Variants in FAM199X observed in about 807,000 individuals in gnomAD.
The protein encoded by FAM199X is family with sequence similarity 199, X-linked, also known as protein FAM199X.
Under a neutral mutation model 22.9 loss-of-function variants are expected in FAM199X, and 4 were observed. That is an observed-to-expected ratio of 0.17 (90% confidence interval 0.09 to 0.40). The LOEUF (loss-of-function observed/expected upper bound fraction) is 0.40, where lower values mean the gene tolerates loss of function less well. Among genes scored for constraint, FAM199X ranks in the 10% least tolerant of loss-of-function variants. The pLI is 1.00. For synonymous variants in FAM199X, 101 were observed against 112.3 expected, an observed-to-expected ratio of 0.90 and a Z score of 0.64; for missense variants, 183 against 306.8, an observed-to-expected ratio of 0.60 and a Z score of 3.01.
intron 1 of FAM199X, 123 bp from the exon 2 acceptor site, chrX:104,175,500 C>T (rs1175399519): frequency 5.4e-6 from 3 of 552,879 alleles, no homozygotes; most frequent in African/African-American, 4.7e-5. Flanking sequence ...GGTAGGGGCT[C>T]TTTTAAAAAT....
At chrX:104,160,411 A>C in the FAM199X span, among the ~76,000 whole-genome samples, 1 of 112,974 alleles carries the variant, frequency 8.9e-6, no homozygotes, top group African/African-American at 3.2e-5. Context: ...GGCATTTGTT[A>C]AAATTTTAGT....
chrX:104,176,919 C>G (rs897790102), intron 2 of FAM199X, among the ~76,000 whole-genome samples: 2 of 110,893 alleles, frequency 1.8e-5, no homozygotes, highest in Non-Finnish European at 3.8e-5. Flanking sequence ...AATTCACAAC[C>G]CTTCCATTTT....
In FAM199X at chrX:104,166,683, C is replaced by T; in HGVS notation, c.-103C>T. 3 of 763,814 alleles carry T rather than the reference C, an allele frequency of 3.9e-6. No individual in the cohort carries two copies. In the South Asian group the frequency reaches 9.0e-5, roughly 23 times the overall value. The allele number at this position is 763,814 out of a possible 1,213,427, so 62.9% of individuals were successfully genotyped here. A position where few individuals can be genotyped will look rare whatever the true frequency, so the allele number is the denominator to read the frequency against. On this transcript the variant is annotated 5_prime_UTR_variant, in exon 1 of 6. Transcript: ENST00000493442. The stretch of plus-strand genomic sequence containing the variant: ...CTGCCAGTGAGCTGCGACGGGCACA[C>T]CCCGGAGCGTCGGCGACTGCGGACA...
chrX:104,180,063 G>C (rs1556377476), intron 2 of FAM199X, among the ~76,000 whole-genome samples: 3 of 99,970 alleles, frequency 3.0e-5, no homozygotes. Flanking sequence ...CTGCAGAATT[G>C]ACCTCCTGGG....
the FAM199X span, among the ~76,000 whole-genome samples, chrX:104,158,699 A>C: frequency 9.0e-6 from 1 of 111,468 alleles, no homozygotes; most frequent in Non-Finnish European, 1.9e-5. Context: ...CTCCACACCT[A>C]CCCACTCTCA....
At chrX:104,160,970 G>T in the FAM199X span, among the ~76,000 whole-genome samples, 1 of 110,942 alleles carries the variant, frequency 9.0e-6, no homozygotes, top group Non-Finnish European at 1.9e-5. Context: ...TTTTCTTTAG[G>T]ATTACCTATT....
At position 104,194,747 on chromosome X, in the gene FAM199X, GTTT is replaced by G. The variant is rs1161178563; in HGVS notation, c.*4972_*4974del. On this transcript the variant is annotated 3_prime_UTR_variant, in exon 6 of 6. Transcript: ENST00000493442. ...TATGGGTAAAAATTTCAAATTGTGG[GTTT>G]TTGTTTTTGCTTTTTAGTTTCAAAG... 1.8e-5 allele frequency: 2 copies of G among 111,600 alleles called. No homozygotes were observed. Among genetic ancestry groups the G allele is most frequent in the African/African-American group, 3.2e-5 (1 of 30,809 alleles). The allele number at this position is 111,600 out of a possible 1,213,427, so 9.2% of individuals were successfully genotyped here.
rs1482098610 is a variant in FAM199X at position 104,194,808 on chromosome X, G to C, written c.*5030G>C. The C allele has an allele frequency of 9.0e-6, 1 of 111,510 alleles. No individual in the cohort carries two copies. The highest frequency in any genetic ancestry group is 9.6e-5 in the Admixed American group (1 of 10,432). 9.2% of individuals were successfully genotyped at this position (111,510 alleles called of 1,213,427 possible). A position where few individuals can be genotyped will look rare whatever the true frequency, so the allele number is the denominator to read the frequency against. On this transcript the variant is annotated 3_prime_UTR_variant, in exon 6 of 6. Transcript: ENST00000493442. Reference sequence around the variant, plus strand: ...ATGTAGCAGCAATATCATAACCAAAGCAAGTAGGAAGTTGACTGGTTTGGA... The same window carrying C: ...ATGTAGCAGCAATATCATAACCAAACCAAGTAGGAAGTTGACTGGTTTGGA...
In FAM199X at chrX:104,166,745, C is replaced by T. The variant is rs781981441; in HGVS notation, c.-41C>T. The T allele has an allele frequency of 2.2e-5, 26 of 1,165,953 alleles. No individual in the cohort carries two copies. The South Asian group carries it at 4.5e-4, about 20-fold the overall frequency. ...GGGCAGGGGCGGGCGCGGGAGCAGC[C>T]CAGGGCCAGAGAGGGAGCCCGAGCC... On this transcript the variant is annotated 5_prime_UTR_variant, in exon 1 of 6. Coordinates refer to ENST00000493442, the MANE Select transcript of FAM199X (RefSeq NM_207318.4).
chrX:104,168,467 A>C (rs1921270437), intron 1 of FAM199X, among the ~76,000 whole-genome samples: 1 of 112,688 alleles, frequency 8.9e-6, no homozygotes, highest in Non-Finnish European at 1.9e-5. Flanking sequence ...CATATTCATG[A>C]AATCAAGTGT....
chrX:104,160,124 C>T, the FAM199X span, among the ~76,000 whole-genome samples: 5 of 112,301 alleles, frequency 4.5e-5, no homozygotes, highest in South Asian at 1.8e-3. Flanking sequence ...GTCAGAGGAT[C>T]ATGTAAAGAA....
chrX:104,184,375 G>A (rs2147895799), intron 2 of FAM199X, among the ~76,000 whole-genome samples: 1 of 112,135 alleles, frequency 8.9e-6, no homozygotes, highest in African/African-American at 3.2e-5. Flanking sequence ...AAAAGGTACT[G>A]TTTTATACCT....
chrX:104,176,188 T>G (rs1556376424), intron 2 of FAM199X, among the ~76,000 whole-genome samples: 3 of 112,225 alleles, frequency 2.7e-5, no homozygotes, highest in Non-Finnish European at 5.6e-5. Flanking sequence ...AGGACAAATA[T>G]CAGTCACATT....
chrX:104,194,582 C>G lies in FAM199X; in HGVS notation c.*4804C>G, dbSNP rs1338267014. ...AACAATGGAGCAGATAATGTCTGTT[C>G]CTGTAGTGGATCCATTTAATTTCCT... is the stretch of plus-strand genomic sequence containing the variant. On this transcript the variant is annotated 3_prime_UTR_variant, in exon 6 of 6. Coordinates refer to ENST00000493442, the MANE Select transcript of FAM199X (RefSeq NM_207318.4). 1 of 111,570 alleles carries G rather than the reference C, an allele frequency of 9.0e-6. No homozygotes were observed. The highest frequency in any genetic ancestry group is 1.9e-5 in the Non-Finnish European group (1 of 52,988). The allele number at this position is 111,570 out of a possible 1,213,427, so 9.2% of individuals were successfully genotyped here. A position where few individuals can be genotyped will look rare whatever the true frequency, so the allele number is the denominator to read the frequency against.
rs1921975453 is a variant in FAM199X, at chrX:104,192,908, CTA to C, written c.*3133_*3134del. Reference sequence around the variant, plus strand: ...CTCATAAAGGAAAAATTATAGGAAACTATAGCGGTATCCAGATTCTGATGAGC... The same window carrying C: ...CTCATAAAGGAAAAATTATAGGAAACTAGCGGTATCCAGATTCTGATGAGC... On this transcript the variant is annotated 3_prime_UTR_variant, in exon 6 of 6. Transcript: ENST00000493442. 9.0e-6 allele frequency: 1 copy of C among 111,522 alleles called. No homozygotes were observed. The highest frequency in any genetic ancestry group is 1.9e-5 in the Non-Finnish European group (1 of 52,893). 9.2% of individuals were successfully genotyped at this position (111,522 alleles called of 1,213,427 possible).
At chrX:104,157,615 T>C in the FAM199X span, among the ~76,000 whole-genome samples, 1 of 112,324 alleles carries the variant, frequency 8.9e-6, no homozygotes, top group Non-Finnish European at 1.9e-5. Flanking sequence ...GAACATTGCC[T>C]ATCATGAAGT....
chrX:104,176,431 C>A (rs1345938883), intron 2 of FAM199X, among the ~76,000 whole-genome samples: 1 of 112,271 alleles, frequency 8.9e-6, no homozygotes, highest in Non-Finnish European at 1.9e-5. Context: ...GTTATTACAA[C>A]ATTCATATTC....
Position 104,186,216 on chromosome X carries a change from G to A in FAM199X, c.567+1G>A. 8.3e-7 allele frequency: 1 copy of A among 1,204,381 alleles called. No homozygotes were observed. Among genetic ancestry groups the A allele is most frequent in the South Asian group, 1.8e-5 (1 of 55,568 alleles). On this transcript the variant is annotated splice_donor_variant, in intron 3 of 5. Coordinates refer to ENST00000493442, the MANE Select transcript of FAM199X (RefSeq NM_207318.4). LOFTEE classifies it high-confidence loss of function. ...GAGTGCAATGACAAATGATGAGCAGGTAAAGATCTTGACATTCTTAATTAA... is the reference window on the plus strand; with the variant it reads ...GAGTGCAATGACAAATGATGAGCAGATAAAGATCTTGACATTCTTAATTAA...
intron 2 of FAM199X, among the ~76,000 whole-genome samples, chrX:104,178,173 T>A (rs1921541270): frequency 1.8e-5 from 2 of 110,431 alleles, no homozygotes; most frequent in South Asian, 7.8e-4. Context: ...TGTTTGTTTG[T>A]TTTTTTGAGA....
Sources: allele counts gnomAD v4.1 joint callset (sites outside exome capture counted in the v4.1 genomes callset), GRCh38; gene constraint gnomAD v4.1.1; transcripts MANE v1.5; gene names NCBI Gene and HGNC (gene_info 2026-07-23, HGNC 2026-07-21).